Variants in PACS2 observed in about 807,000 individuals in gnomAD.
PACS2 encodes phosphofurin acidic cluster sorting protein 2, also known as PACS1-like protein.
In PACS2, 36 loss-of-function variants were observed where a neutral mutation model predicts 113.0. The observed-to-expected ratio is 0.32, with a 90% CI of 0.24 to 0.42. PACS2 has a LOEUF of 0.42. PACS2 is among the 10% of genes least tolerant of loss of function. PACS2 has a pLI of 1.00. For missense variants in PACS2, 1,015 were observed against 1,239.5 expected (o/e 0.82, Z 2.72); for synonymous variants, 589 against 536.1 (o/e 1.10, Z -1.36).
intron 4 of PACS2, among the ~76,000 whole-genome samples, chr14:105,364,913 G>C (rs2060890739): frequency 6.6e-6 from 1 of 152,090 alleles, no homozygotes; most frequent in Non-Finnish European, 1.5e-5. Context: ...GCCCAGGCTG[G>C]TCTCAAACTC....
chr14:105,346,663 G>A (rs1457341536), intron 1 of PACS2, among the ~76,000 whole-genome samples: 1 of 11,506 alleles, frequency 8.7e-5, no homozygotes, highest in African/African-American at 4.5e-4. Context: ...ACCCCCACCC[G>A]CACGGCATCA....
intron 8 of PACS2, among the ~76,000 whole-genome samples, chr14:105,375,822 C>T (rs922233289): frequency 6.6e-6 from 1 of 152,214 alleles, no homozygotes; most frequent in Admixed American, 6.5e-5. Flanking sequence ...CAGACGTTCA[C>T]AGCAGCTTCA....
At chr14:105,342,164 C>T (rs2059751417) in intron 1 of PACS2, among the ~76,000 whole-genome samples, 1 of 152,130 alleles carries the variant, frequency 6.6e-6, no homozygotes, top group African/African-American at 2.4e-5. Flanking sequence ...CCCCAAATGC[C>T]TCTTGTGGAT....
chr14:105,395,705 G>C lies in PACS2; in HGVS notation c.*1033G>C, dbSNP rs587653674. The stretch of plus-strand genomic sequence containing the variant: ...CCGGCACTTTGGAGCCGTGGGTGCA[G>C]CCAGGTACCCCGTGCAGGGCCTGGG... On this transcript the variant is annotated 3_prime_UTR_variant, in exon 25 of 25. Coordinates refer to ENST00000447393, the MANE Select transcript of PACS2 (RefSeq NM_001100913.3). 6.6e-6 allele frequency: 1 copy of C among 152,488 alleles called. No homozygotes were observed. Among genetic ancestry groups the C allele is most frequent in the East Asian group, 1.9e-4 (1 of 5,188 alleles). The allele number at this position is 152,488 out of a possible 1,614,324, so 9.4% of individuals were successfully genotyped here.
intron 9 of PACS2, among the ~76,000 whole-genome samples, chr14:105,378,913 C>T (rs1293330663): frequency 1.3e-5 from 2 of 152,162 alleles, no homozygotes; most frequent in African/African-American, 4.8e-5. Flanking sequence ...CCTGGGTGGT[C>T]TGGAAAGGCA....
rs2059243940 is a variant in PACS2 at position 105,330,009 on chromosome 14, G to A, written c.119+14972G>A. ...GCAGGGTGGGCTCTGGATGCCTGCTGGGGGATTTCAGTGAGAACCAGGAAG... is the reference window on the plus strand; with the variant it reads ...GCAGGGTGGGCTCTGGATGCCTGCTAGGGGATTTCAGTGAGAACCAGGAAG... On this transcript the variant is annotated intron_variant, in intron 1 of 24. Coordinates refer to ENST00000447393, the MANE Select transcript of PACS2 (RefSeq NM_001100913.3). The surrounding 1 kb of genome is among the most constrained non-coding windows in gnomAD (Gnocchi z 6.9). Among the ~76,000 whole-genome samples, 1 of 152,212 alleles carries A rather than the reference G, an allele frequency of 6.6e-6. No individual in the cohort carries two copies. Among genetic ancestry groups the A allele is most frequent in the African/African-American group, 2.4e-5 (1 of 41,450 alleles).
rs1205782637 is a variant in PACS2, at chr14:105,366,451, TGTGA to T, written c.424-758_424-755del. Among the ~76,000 whole-genome samples, 9 of 152,158 alleles carry T rather than the reference TGTGA, an allele frequency of 5.9e-5. No homozygotes were observed. Among genetic ancestry groups the T allele is most frequent in the African/African-American group, 2.2e-4 (9 of 41,452 alleles). On this transcript the variant is annotated intron_variant, in intron 4 of 24. Transcript: ENST00000447393. The surrounding 1 kb of genome is among the most constrained non-coding windows in gnomAD (Gnocchi z 4.3). ...TCTAGAGCACAGCTGGCCCCAAGGC[TGTGA>T]GTGTCTGAGAGTTGTCGTCATGGCG...
In PACS2 at chr14:105,323,715, G is replaced by A. The variant is rs958333170; in HGVS notation, c.119+8678G>A. Among the ~76,000 whole-genome samples, 1 of 152,192 alleles carries A rather than the reference G, an allele frequency of 6.6e-6. No individual in the cohort carries two copies. Among genetic ancestry groups the A allele is most frequent in the Non-Finnish European group, 1.5e-5 (1 of 68,030 alleles). ...GGTGGGAGGTGTCGTGCAGGGCTTG[G>A]GACAGGGCTTTCGGAGGTGGTCTGC... is the stretch of plus-strand genomic sequence containing the variant. On this transcript the variant is annotated intron_variant, in intron 1 of 24. Coordinates refer to ENST00000447393, the MANE Select transcript of PACS2 (RefSeq NM_001100913.3). The surrounding 1 kb of genome is among the most constrained non-coding windows in gnomAD (Gnocchi z 4.1).
At chr14:105,392,247 CA>C (rs1437097653) in intron 22 of PACS2, 6 of 367,076 alleles carry the variant, frequency 1.6e-5, no homozygotes, top group Non-Finnish European at 3.0e-5. Flanking sequence ...GTGCAGGGCT[CA>C]CACCAGCAGA....
chr14:105,345,436 G>C (rs587630240), intron 1 of PACS2, among the ~76,000 whole-genome samples: 49 of 152,306 alleles, frequency 3.2e-4, no homozygotes, highest in African/African-American at 1.2e-3. Flanking sequence ...TCTTTAGATT[G>C]TGTATTTGAA....
chr14:105,392,188 A>C (rs2081381999), intron 22 of PACS2: 1 of 316,632 alleles, frequency 3.2e-6, no homozygotes, highest in Admixed American at 4.8e-5. Context: ...AGTGGAACTA[A>C]GCCATGGGGG....
Position 105,383,376 on chromosome 14 carries a change from A to G in PACS2, c.1643A>G (p.Gln548Arg), listed in dbSNP as rs1555412655. The G allele has an allele frequency of 3.1e-6, 5 of 1,608,078 alleles. No homozygotes were observed. Among genetic ancestry groups the G allele is most frequent in the Non-Finnish European group, 4.2e-6 (5 of 1,179,950 alleles). Reference protein sequence around the residue: ...RIQRYCNCNSQPPTPVKIAVA... With the variant: ...RIQRYCNCNSRPPTPVKIAVA... ...GATTGCAGCTGCAACTGCAATTCCC[A>G]GCCCCCGACCCCCGTGAAGATCGCC... The change falls in exon 16 of 25, where the codon CAG (glutamine) becomes CGG (arginine). Residue 548 changes from glutamine (Q) to arginine (R), a missense_variant. Gln to Arg is a conservative substitution (Grantham distance 43). Transcript: ENST00000447393.
In PACS2 at chr14:105,392,635, G is replaced by A. The variant is rs140331410; in HGVS notation, c.2272G>A (p.Glu758Lys). ...CTTTCCCAGCCAGGGTGTCGGCGCC[G>A]AGCTGATGGGGCTGCAGGTGGACTA... ...LSSPSQGVGAELMGLQVDYWT... is the reference protein window; with the variant it reads ...LSSPSQGVGAKLMGLQVDYWT... Residue 758 changes from glutamate (E) to lysine (K), a missense_variant, in exon 23 of 25, where the codon GAG (glutamate) becomes AAG (lysine). This residue lies in a region of PACS2 where 859 missense variants were observed against 1,056.8 expected (regional missense o/e 0.81). Coordinates refer to ENST00000447393, the MANE Select transcript of PACS2 (RefSeq NM_001100913.3). 1.2e-5 allele frequency: 20 copies of A among 1,609,294 alleles called. No homozygotes were observed. Among genetic ancestry groups the A allele is most frequent in the African/African-American group, 4.0e-5 (3 of 74,840 alleles).
Position 105,317,603 on chromosome 14 carries a change from G to A in PACS2, c.119+2566G>A, listed in dbSNP as rs1304428520. On this transcript the variant is annotated intron_variant, in intron 1 of 24. Transcript: ENST00000447393. This position sits in a 1 kb window ranked among gnomAD's most constrained non-coding sequence, Gnocchi z 4.2. The stretch of plus-strand genomic sequence containing the variant: ...GTACTTCCTTGTCAGTGAAATTCCT[G>A]TTCCTTTGCCAGTTTTTTTTTCTCT... Among the ~76,000 whole-genome samples the A allele has an allele frequency of 6.6e-6, 1 of 151,714 alleles. No individual in the cohort carries two copies. The highest frequency in any genetic ancestry group is 1.5e-5 in the Non-Finnish European group (1 of 67,998).
chr14:105,385,711 C>T lies in PACS2; in HGVS notation c.2027C>T (p.Thr676Ile). 1 of 1,516,272 alleles carries T rather than the reference C, an allele frequency of 6.6e-7. No homozygotes were observed. The highest frequency in any genetic ancestry group is 1.2e-5 in the South Asian group (1 of 81,706). 93.9% of individuals were successfully genotyped at this position (1,516,272 alleles called of 1,614,324 possible). ...KRKKHFHFDF[T>I]LSPDEESSQK... ...AAAAAGCATTTTCATTTTGACTTTA[C>T]CCTAAGGTACGGCTCTGTGGGTCTG... The change falls in exon 19 of 25, where the codon ACC (threonine) becomes ATC (isoleucine). Residue 676 changes from threonine (T) to isoleucine (I), a missense_variant. Thr to Ile is a moderately conservative substitution (Grantham distance 89). This residue lies in a region of PACS2 where 859 missense variants were observed against 1,056.8 expected (regional missense o/e 0.81). Coordinates refer to ENST00000447393, the MANE Select transcript of PACS2 (RefSeq NM_001100913.3).
intron 17 of PACS2, 68 bp downstream of exon 17, chr14:105,384,531 T>C: frequency 1.0e-6 from 1 of 988,904 alleles, no homozygotes; most frequent in South Asian, 1.4e-5. Context: ...CCCCAGATGC[T>C]GTGCCCAGGA....
At chr14:105,393,593 G>GTTTT in intron 24 of PACS2, 2 of 309,136 alleles carry the variant, frequency 6.5e-6, no homozygotes, top group Non-Finnish European at 1.2e-5. Flanking sequence ...TTTTGTTTTG[G>GTTTT]TTTTTTTTTT....
intron 1 of PACS2, among the ~76,000 whole-genome samples, chr14:105,303,485 C>T (rs1377675757): frequency 6.6e-6 from 1 of 152,150 alleles, no homozygotes; most frequent in African/African-American, 2.4e-5. Flanking sequence ...CCTCGTGATC[C>T]ACCTGTCTCG....
At chr14:105,385,631 G>C (rs2081150878) in intron 18 of PACS2, 54 bp from the exon 19 acceptor site, 1 of 1,373,646 alleles carries the variant, frequency 7.3e-7, no homozygotes, top group Admixed American at 2.2e-5. Context: ...CCCTGGAGGG[G>C]TCCTGAGGGC....
Sources: gnomAD v4.1 joint callset for allele counts (sites outside exome capture counted in the v4.1 genomes callset) on GRCh38, gnomAD v4.1.1 for gene constraint, gnomAD v4.1.1 regional missense constraint, Gnocchi (gnomAD v3.1) non-coding constraint, MANE v1.5 for transcripts, NCBI Gene and HGNC (gene_info 2026-07-23, HGNC 2026-07-21) for gene names.